NPAS3: variants seen among roughly 807,000 people sequenced by gnomAD.
NPAS3 encodes neuronal PAS domain-containing protein 3.
In NPAS3, 14 loss-of-function variants were observed where a neutral mutation model predicts 73.1. The ratio of observed to expected loss-of-function variants is 0.19; its 90% CI spans 0.13 to 0.30. NPAS3 has a LOEUF of 0.30. NPAS3 is among the 10% of genes least tolerant of loss of function. The pLI is 1.00. For synonymous variants in NPAS3, 620 were observed against 541.5 expected, an observed-to-expected ratio of 1.14 and a Z score of -2.01; for missense variants, 1,096 against 1,250.0, an observed-to-expected ratio of 0.88 and a Z score of 1.86.
intron 7 of NPAS3, among the ~76,000 whole-genome samples, chr14:33,765,632 C>T (rs1416394439): frequency 1.3e-5 from 2 of 152,200 alleles, no homozygotes; most frequent in Non-Finnish European, 2.9e-5. Flanking sequence ...CAAAAGGCAA[C>T]AAGTTATGTT....
At chr14:33,157,693 G>A (rs2139286554) in intron 2 of NPAS3, among the ~76,000 whole-genome samples, 1 of 152,298 alleles carries the variant, frequency 6.6e-6, no homozygotes, top group Admixed American at 6.5e-5. Context: ...CAGAATCTCT[G>A]TTCATGGAAT....
intron 2 of NPAS3, among the ~76,000 whole-genome samples, chr14:33,129,423 A>C (rs2043552171): frequency 6.6e-6 from 1 of 152,136 alleles, no homozygotes; most frequent in Non-Finnish European, 1.5e-5. Flanking sequence ...TTCTGAATTA[A>C]AGAAGCTCCA....
At chr14:33,305,473 A>G (rs1321720326) in intron 3 of NPAS3, among the ~76,000 whole-genome samples, 2 of 152,096 alleles carry the variant, frequency 1.3e-5, no homozygotes, top group Non-Finnish European at 2.9e-5. Context: ...CCTGAAAACT[A>G]TTTTATTTTC....
intron 3 of NPAS3, among the ~76,000 whole-genome samples, chr14:33,341,403 T>G (rs895842057): frequency 3.3e-5 from 5 of 152,244 alleles, no homozygotes; most frequent in Admixed American, 1.3e-4. Flanking sequence ...AATAGAAAGC[T>G]TAAAGTCCTG....
At chr14:33,669,533 A>G (rs2059551932) in intron 5 of NPAS3, among the ~76,000 whole-genome samples, 1 of 152,236 alleles carries the variant, frequency 6.6e-6, no homozygotes, top group Non-Finnish European at 1.5e-5. Context: ...CTTGCATAGT[A>G]TGGTGTGATG....
At chr14:33,307,868 T>C (rs2042821419) in intron 3 of NPAS3, among the ~76,000 whole-genome samples, 1 of 152,142 alleles carries the variant, frequency 6.6e-6, no homozygotes, top group Non-Finnish European at 1.5e-5. Context: ...TGGTAATATT[T>C]TCCTGCCTGG....
chr14:33,015,820 T>C (rs1363738042), intron 1 of NPAS3, among the ~76,000 whole-genome samples: 1 of 152,226 alleles, frequency 6.6e-6, no homozygotes, highest in African/African-American at 2.4e-5. Flanking sequence ...TGCTTCTTTG[T>C]ATTTTTAAAT....
At chr14:33,004,817 C>CTTTTTTTTTTTTTTTTTTTT in intron 1 of NPAS3, among the ~76,000 whole-genome samples, 1,436 of 63,298 alleles carry the variant, frequency 0.023, 233 homozygotes, top group Non-Finnish European at 0.034. Context: ...AAAAGTTTTC[C>CTTTTTTTTTTTTTTTTTTTT]TTTTTTTTTT....
chr14:33,552,221 G>A (rs1358982883), intron 4 of NPAS3, among the ~76,000 whole-genome samples: 1 of 152,190 alleles, frequency 6.6e-6, no homozygotes, highest in Non-Finnish European at 1.5e-5. Context: ...GAAGAGGCAA[G>A]GATTCCACAC....
intron 1 of NPAS3, among the ~76,000 whole-genome samples, chr14:32,989,629 C>A (rs148816662): frequency 0.036 from 5,502 of 151,922 alleles, 354 homozygotes; most frequent in African/African-American, 0.13. Flanking sequence ...TGGGCGACAG[C>A]GAGACTCGGT....
rs758345270 is a variant in NPAS3 at position 33,377,078 on chromosome 14, A to G, written c.468+9810A>G. ...ACAAGATAAATATTCTTTATTGAACATGACATAAATTGCTTACATTGATGT... is the reference window on the plus strand; with the variant it reads ...ACAAGATAAATATTCTTTATTGAACGTGACATAAATTGCTTACATTGATGT... On this transcript the variant is annotated intron_variant, in intron 4 of 11. Coordinates refer to ENST00000356141, the Ensembl canonical transcript of NPAS3. 5.9e-5 allele frequency among the ~76,000 whole-genome samples: 9 copies of G among 152,216 alleles called. No individual in the cohort carries two copies. The South Asian group carries it at 1.2e-3, about 21-fold the overall frequency.
At chr14:33,446,169 T>A (rs1198504731) in intron 4 of NPAS3, among the ~76,000 whole-genome samples, 5 of 102,428 alleles carry the variant, frequency 4.9e-5, no homozygotes, top group Non-Finnish European at 7.9e-5. Context: ...ATGCTTTCTT[T>A]TTTTTTTTTT....
chr14:33,788,848 C>G (rs1038495839), intron 9 of NPAS3, among the ~76,000 whole-genome samples: 1 of 151,918 alleles, frequency 6.6e-6, no homozygotes, highest in Non-Finnish European at 1.5e-5. Flanking sequence ...GGAAAAAGTT[C>G]ATCAGATTTG....
At chr14:33,142,369 T>G (rs576170362) in intron 2 of NPAS3, among the ~76,000 whole-genome samples, 1 of 152,186 alleles carries the variant, frequency 6.6e-6, no homozygotes, top group East Asian at 1.9e-4. Flanking sequence ...CTAATAAATG[T>G]GGTTCTGATG....
At chr14:33,498,622 G>A (rs1052576382) in intron 4 of NPAS3, among the ~76,000 whole-genome samples, 16 of 151,954 alleles carry the variant, frequency 1.1e-4, no homozygotes, top group African/African-American at 3.1e-4. Context: ...GTTCTCACTC[G>A]TAAGTGGGAG....
At chr14:32,980,849 C>T (rs912940396) in intron 1 of NPAS3, among the ~76,000 whole-genome samples, 1 of 152,160 alleles carries the variant, frequency 6.6e-6, no homozygotes, top group African/African-American at 2.4e-5. Flanking sequence ...GATACTCTGT[C>T]TTGAAAGATG....
At position 33,734,880 on chromosome 14, in the gene NPAS3, T is replaced by C. The variant is rs531550026; in HGVS notation, c.734-334T>C. 2.4e-4 allele frequency among the ~76,000 whole-genome samples: 36 copies of C among 152,256 alleles called. 1 individual carries two copies. The South Asian group carries it at 7.1e-3, about 30-fold the overall frequency. ...TTGACCTCATAAATCTACGGGTCCT[T>C]GTCTTTCATGACAGTTCTCTCCATG... On this transcript the variant is annotated intron_variant, in intron 6 of 11. Transcript: ENST00000356141.
chr14:33,429,923 AAGAGTCTG>A (rs2048712849), intron 4 of NPAS3, among the ~76,000 whole-genome samples: 3 of 152,150 alleles, frequency 2.0e-5, no homozygotes, highest in African/African-American at 7.2e-5. Flanking sequence ...GGACTAAATC[AAGAGTCTG>A]AGGGCAGAGT....
chr14:33,548,411 G>C (rs73269060), intron 4 of NPAS3, among the ~76,000 whole-genome samples: 170 of 152,254 alleles, frequency 1.1e-3, no homozygotes, highest in African/African-American at 4.0e-3. Context: ...ATTATACTGA[G>C]ATTATCGATT....
Sources: gnomAD v4.1 joint callset for allele counts (sites outside exome capture counted in the v4.1 genomes callset) on GRCh38, gnomAD v4.1.1 for gene constraint, MANE v1.5 for transcripts, NCBI Gene and HGNC (gene_info 2026-07-23, HGNC 2026-07-21) for gene names.